Variants in SCHIP1 observed in about 807,000 individuals in gnomAD.
SCHIP1 encodes schwannomin interacting protein 1.
A neutral mutation model predicts 29.7 loss-of-function variants in SCHIP1; 8 were observed. The ratio of observed to expected loss-of-function variants is 0.27; its 90% CI spans 0.16 to 0.49. The LOEUF (loss-of-function observed/expected upper bound fraction) is 0.49, where lower values mean the gene tolerates loss of function less well. SCHIP1 is among the 20% of genes least tolerant of loss of function. The pLI is 0.99. For synonymous variants in SCHIP1, 76 were observed against 94.9 expected (o/e 0.80, Z 1.16); for missense variants, 193 against 294.6 (o/e 0.66, Z 2.52).
At chr3:159,318,636 G>C in the SCHIP1 span, among the ~76,000 whole-genome samples, 1 of 152,170 alleles carries the variant, frequency 6.6e-6, no homozygotes, top group Admixed American at 6.5e-5. Flanking sequence ...CTCCCCCTGA[G>C]GCCATCAGTG....
the SCHIP1 span, chr3:159,808,464 A>G: frequency 1.3e-5 from 2 of 152,270 alleles, no homozygotes; most frequent in African/African-American, 2.4e-5. Flanking sequence ...CTTCCCAGAA[A>G]GATCCTTAAA....
At chr3:159,309,207 A>C in the SCHIP1 span, 1 of 232,222 alleles carries the variant, frequency 4.3e-6, no homozygotes, top group East Asian at 1.8e-4. Flanking sequence ...TTTAAATGGG[A>C]AAAAATTGTA....
At chr3:159,602,504 T>C in the SCHIP1 span, among the ~76,000 whole-genome samples, 3 of 151,646 alleles carry the variant, frequency 2.0e-5, no homozygotes, top group East Asian at 5.8e-4. Context: ...AGGTCAGGAG[T>C]TCGAGACCAG....
the SCHIP1 span, among the ~76,000 whole-genome samples, chr3:159,340,839 A>C: frequency 6.6e-6 from 1 of 152,184 alleles, no homozygotes; most frequent in Non-Finnish European, 1.5e-5. Flanking sequence ...TGAAGAAAAT[A>C]AAATTTCTTC....
At chr3:159,704,150 C>G in the SCHIP1 span, among the ~76,000 whole-genome samples, 7 of 152,166 alleles carry the variant, frequency 4.6e-5, no homozygotes, top group East Asian at 3.9e-4. Flanking sequence ...TAAAATTGCA[C>G]TAGGCCAGGC....
At chr3:159,799,906 T>A in the SCHIP1 span, among the ~76,000 whole-genome samples, 1 of 152,090 alleles carries the variant, frequency 6.6e-6, no homozygotes, top group Non-Finnish European at 1.5e-5. Flanking sequence ...TAACTTAAGG[T>A]AGATATTAGA....
At chr3:159,743,278 C>T in the SCHIP1 span, among the ~76,000 whole-genome samples, 2,041 of 152,230 alleles carry the variant, frequency 0.013, 29 homozygotes, top group African/African-American at 0.032. Flanking sequence ...AAAAATATCT[C>T]TATGTTTTAA....
At chr3:159,704,937 T>TTTA in the SCHIP1 span, among the ~76,000 whole-genome samples, 1 of 139,492 alleles carries the variant, frequency 7.2e-6, no homozygotes, top group East Asian at 2.0e-4. Flanking sequence ...TCTTTCTTTC[T>TTTA]TTCCTTTCTT....
chr3:159,344,248 G>A, the SCHIP1 span, among the ~76,000 whole-genome samples: 1 of 151,850 alleles, frequency 6.6e-6, no homozygotes, highest in Non-Finnish European at 1.5e-5. Context: ...TTGAACCCAG[G>A]GGGCGGAGGT....
At chr3:159,527,260 A>T in the SCHIP1 span, among the ~76,000 whole-genome samples, 1 of 152,172 alleles carries the variant, frequency 6.6e-6, no homozygotes, top group Admixed American at 6.5e-5. Context: ...CCTTATACTC[A>T]TGCAAATATC....
At chr3:159,734,787 CTTTTTT>C in the SCHIP1 span, among the ~76,000 whole-genome samples, 41 of 110,488 alleles carry the variant, frequency 3.7e-4, no homozygotes, top group South Asian at 3.0e-4. Context: ...CTTTTCTTGT[CTTTTTT>C]TTTTTTTTTT....
the SCHIP1 span, among the ~76,000 whole-genome samples, chr3:159,306,255 T>C: frequency 1.0e-3 from 157 of 152,254 alleles, 2 homozygotes; most frequent in South Asian, 9.1e-3. Flanking sequence ...CTTTGATTAG[T>C]AGTGTTTGCC....
chr3:159,557,257 A>G, the SCHIP1 span, among the ~76,000 whole-genome samples: 1 of 152,222 alleles, frequency 6.6e-6, no homozygotes, highest in Non-Finnish European at 1.5e-5. Flanking sequence ...AATCACTCTT[A>G]TAAGGGTATA....
At chr3:159,486,965 G>A in the SCHIP1 span, among the ~76,000 whole-genome samples, 249 of 152,320 alleles carry the variant, frequency 1.6e-3, no homozygotes, top group African/African-American at 5.7e-3. Flanking sequence ...ACAAGAGAAG[G>A]GGAGAGTAGA....
At chr3:159,404,365 T>C in the SCHIP1 span, among the ~76,000 whole-genome samples, 1 of 152,130 alleles carries the variant, frequency 6.6e-6, no homozygotes, top group Admixed American at 6.6e-5. Context: ...TGCTCTTCGA[T>C]GGCATTTCTG....
At chr3:159,329,919 T>C in the SCHIP1 span, among the ~76,000 whole-genome samples, 1 of 151,826 alleles carries the variant, frequency 6.6e-6, no homozygotes, top group South Asian at 2.1e-4. Flanking sequence ...TAAGTTAGAG[T>C]GGTGACAATG....
At chr3:159,491,836 T>C in the SCHIP1 span, among the ~76,000 whole-genome samples, 1 of 152,180 alleles carries the variant, frequency 6.6e-6, no homozygotes, top group East Asian at 1.9e-4. Flanking sequence ...GTAGCCTAAC[T>C]GGGAGGCACC....
At chr3:159,608,535 C>T in the SCHIP1 span, among the ~76,000 whole-genome samples, 1 of 152,178 alleles carries the variant, frequency 6.6e-6, no homozygotes, top group Middle Eastern at 3.2e-3. Flanking sequence ...TAGAGTCTTA[C>T]TAACTTACCA....
chr3:159,809,942 C>T, the SCHIP1 span, among the ~76,000 whole-genome samples: 11 of 151,958 alleles, frequency 7.2e-5, no homozygotes, highest in Non-Finnish European at 1.0e-4. Context: ...TGCAGTCAGC[C>T]GAGATTGCAC....
Sources: allele counts gnomAD v4.1 joint callset (sites outside exome capture counted in the v4.1 genomes callset), GRCh38; gene constraint gnomAD v4.1.1; transcripts MANE v1.5; gene names NCBI Gene and HGNC (gene_info 2026-07-23, HGNC 2026-07-21).